The following RGS9 variants were observed in gnomAD, a reference collection of about 807,000 sequenced individuals.
The protein encoded by RGS9 is regulator of G protein signaling 9.
Under a neutral mutation model 102.0 loss-of-function variants are expected in RGS9, and 78 were observed. The ratio of observed to expected loss-of-function variants is 0.76; its 90% CI spans 0.64 to 0.92. The LOEUF is 0.92. RGS9 is among the 40% of genes least tolerant of loss of function. The probability of loss-of-function intolerance (pLI) is 0.00; values close to 1 mark genes in which losing one functional copy is unlikely to be tolerated. For missense variants in RGS9, 833 were observed against 866.1 expected (o/e 0.96, Z 0.48); for synonymous variants, 353 against 318.6 (o/e 1.11, Z -1.15).
At chr17:65,225,688 A>T (rs978928411) in intron 18 of RGS9, 1 of 653,904 alleles carries the variant, frequency 1.5e-6, no homozygotes, top group Non-Finnish European at 2.6e-6. Flanking sequence ...GAGAAGGAAC[A>T]GGTGTCCTTC....
chr17:65,189,606 A>C (rs1333537202), intron 10 of RGS9, among the ~76,000 whole-genome samples: 2 of 152,132 alleles, frequency 1.3e-5, no homozygotes, highest in Non-Finnish European at 2.9e-5. Flanking sequence ...GAGACTCTAC[A>C]TCCCCAACGT....
At chr17:65,175,083 ATGTG>A (rs113500448) in intron 8 of RGS9, among the ~76,000 whole-genome samples, 3,868 of 149,088 alleles carry the variant, frequency 0.026, 186 homozygotes, top group African/African-American at 0.089. Context: ...AACCATATTA[ATGTG>A]TGTGTGTGTG....
intron 17 of RGS9, among the ~76,000 whole-genome samples, chr17:65,221,921 C>T (rs1913718134): frequency 6.6e-6 from 1 of 152,226 alleles, no homozygotes; most frequent in South Asian, 2.1e-4. Flanking sequence ...AATACTATCA[C>T]CTGCAAGGGG....
intron 1 of RGS9, among the ~76,000 whole-genome samples, chr17:65,140,369 G>A (rs567168250): frequency 2.6e-5 from 4 of 152,290 alleles, no homozygotes; most frequent in South Asian, 2.1e-4. Context: ...AACAGTTTAC[G>A]CACAGAGGCA....
chr17:65,152,808 G>C (rs1338816393), intron 1 of RGS9, among the ~76,000 whole-genome samples: 1 of 152,250 alleles, frequency 6.6e-6, no homozygotes, highest in African/African-American at 2.4e-5. Flanking sequence ...GGGATTACAG[G>C]CGTGAGCCAC....
chr17:65,139,108 C>CCA (rs1910045367), intron 1 of RGS9, among the ~76,000 whole-genome samples: 2 of 40,932 alleles, frequency 4.9e-5, no homozygotes, highest in Admixed American at 3.2e-4. Context: ...GCTCTCCCCC[C>CCA]TCCACCCCAC....
chr17:65,137,918 C>A (rs370099417), intron 1 of RGS9, among the ~76,000 whole-genome samples: 1 of 152,170 alleles, frequency 6.6e-6, no homozygotes, highest in East Asian at 1.9e-4. Context: ...TGTTGTAAGA[C>A]GACCAGATGT....
At chr17:65,213,640 A>G (rs1439968080) in intron 17 of RGS9, among the ~76,000 whole-genome samples, 2 of 151,974 alleles carry the variant, frequency 1.3e-5, no homozygotes, top group African/African-American at 4.8e-5. Context: ...TGTCTTGTTC[A>G]TCTTTGGCTC....
intron 3 of RGS9, 176 bp downstream of exon 3, chr17:65,158,521 G>A (rs1029143391): frequency 1.1e-5 from 8 of 706,064 alleles, no homozygotes; most frequent in African/African-American, 5.3e-5. Flanking sequence ...ATTTGGGGAC[G>A]AAAGAGTTAT....
chr17:65,144,486 AC>A (rs1910279846), intron 1 of RGS9, among the ~76,000 whole-genome samples: 1 of 151,816 alleles, frequency 6.6e-6, no homozygotes, highest in Admixed American at 6.6e-5. Flanking sequence ...TGACACCCTG[AC>A]CCCCTTCTCC....
At chr17:65,151,260 G>A (rs1403603521) in intron 1 of RGS9, among the ~76,000 whole-genome samples, 1 of 151,706 alleles carries the variant, frequency 6.6e-6, no homozygotes, top group Non-Finnish European at 1.5e-5. Context: ...TAGGACAATT[G>A]CTTGAGCCCA....
chr17:65,150,804 T>C (rs1162366695), intron 1 of RGS9, among the ~76,000 whole-genome samples: 1 of 152,172 alleles, frequency 6.6e-6, no homozygotes, highest in Non-Finnish European at 1.5e-5. Context: ...CTCTCTGGTT[T>C]CCCAGAGTTG....
intron 9 of RGS9, among the ~76,000 whole-genome samples, chr17:65,180,566 T>C (rs561027819): frequency 6.6e-6 from 1 of 152,324 alleles, no homozygotes; most frequent in South Asian, 2.1e-4. Flanking sequence ...GCCAGGCTGG[T>C]CTTGAACTCC....
intron 9 of RGS9, among the ~76,000 whole-genome samples, chr17:65,184,201 T>G (rs1298111803): frequency 6.6e-6 from 1 of 152,232 alleles, no homozygotes; most frequent in Non-Finnish European, 1.5e-5. Context: ...ACTTTTTTTT[T>G]GTAACAACTT....
intron 1 of RGS9, among the ~76,000 whole-genome samples, chr17:65,149,517 C>A (rs1910498976): frequency 6.6e-6 from 1 of 152,120 alleles, no homozygotes; most frequent in South Asian, 2.1e-4. Flanking sequence ...AATACATGCT[C>A]AATAAATACC....
In RGS9 at chr17:65,225,266, G is replaced by A. The variant is rs759032207; in HGVS notation, c.1672G>A (p.Glu558Lys). Residue 558 changes from glutamate to lysine, a missense_variant, in exon 18 of 19, where the codon GAG becomes AAG. Physicochemically the swap from Glu to Lys is moderately conservative, Grantham distance 56. Transcript: ENST00000262406. ...PRGPSVTESS[E>K]ASLDTSWPRS... ...TGGGCCCTCTGTCACCGAGAGCAGC[G>A]AGGCCTCCCTCGACACCTCCTGGCC... The A allele has an allele frequency of 1.4e-5, 23 of 1,608,804 alleles. No individual in the cohort carries two copies. Among genetic ancestry groups the A allele is most frequent in the Non-Finnish European group, 1.7e-5 (20 of 1,179,934 alleles).
At chr17:65,184,784 CTCTTTCTCTTTCTT>C (rs993411895) in intron 9 of RGS9, among the ~76,000 whole-genome samples, 7 of 126,624 alleles carry the variant, frequency 5.5e-5, no homozygotes, top group East Asian at 2.0e-4. Context: ...TTGTTTCTTT[CTCTTTCTCTTTCTT>C]TCTTTCTCTT....
chr17:65,155,509 T>A (rs1202753248), intron 2 of RGS9, among the ~76,000 whole-genome samples: 3 of 152,218 alleles, frequency 2.0e-5, no homozygotes, highest in African/African-American at 7.2e-5. Flanking sequence ...GGTCTCAGTT[T>A]ACTTTCTCCA....
chr17:65,140,640 C>T (rs1226096861), intron 1 of RGS9, among the ~76,000 whole-genome samples: 1 of 152,050 alleles, frequency 6.6e-6, no homozygotes, highest in Admixed American at 6.6e-5. Flanking sequence ...TTTGGGAGGC[C>T]AAGGTAGGTG....
Sources: allele counts gnomAD v4.1 joint callset (sites outside exome capture counted in the v4.1 genomes callset), GRCh38; gene constraint gnomAD v4.1.1; transcripts MANE v1.5; gene names NCBI Gene and HGNC (gene_info 2026-07-23, HGNC 2026-07-21).